The following KALRN variants were observed in gnomAD, a reference collection of about 807,000 sequenced individuals.
KALRN encodes kalirin.
KALRN carries 70 observed loss-of-function variants against 353.7 expected under a neutral mutation model. That is an observed-to-expected ratio of 0.20 (90% CI 0.16 to 0.24). The LOEUF is 0.24. KALRN is among the 10% of genes least tolerant of loss of function. The probability of loss-of-function intolerance (pLI) is 1.00; values close to 1 mark genes in which losing one functional copy is unlikely to be tolerated. For synonymous variants in KALRN, 1,391 were observed against 1,434.8 expected, an observed-to-expected ratio of 0.97 and a Z score of 0.69; for missense variants, 2,791 against 3,756.7, an observed-to-expected ratio of 0.74 and a Z score of 6.72.
At chr3:124,106,925 A>C (rs1336021218) in intron 1 of KALRN, among the ~76,000 whole-genome samples, 2 of 152,198 alleles carry the variant, frequency 1.3e-5, no homozygotes. Context: ...GGCTCCAGGC[A>C]AAATTTCTAA....
At chr3:124,305,460 G>C (rs1560513761) in intron 6 of KALRN, among the ~76,000 whole-genome samples, 2 of 152,140 alleles carry the variant, frequency 1.3e-5, no homozygotes, top group Non-Finnish European at 2.9e-5. Context: ...TTATGCCCCA[G>C]TACATTGTTG....
At chr3:124,564,067 T>C (rs1349135534) in intron 34 of KALRN, among the ~76,000 whole-genome samples, 17 of 140,670 alleles carry the variant, frequency 1.2e-4, no homozygotes, top group Admixed American at 8.7e-4. Flanking sequence ...TAGCCGGGCA[T>C]GGTGGCGCAC....
chr3:124,640,307 G>C (rs1220201330), intron 37 of KALRN, among the ~76,000 whole-genome samples: 2 of 123,046 alleles, frequency 1.6e-5, no homozygotes, highest in African/African-American at 6.2e-5. Context: ...TTTTTTTTGA[G>C]ACAGAGTCTC....
chr3:124,272,930 G>A (rs1236068380), intron 5 of KALRN, among the ~76,000 whole-genome samples: 1 of 152,226 alleles, frequency 6.6e-6, no homozygotes, highest in African/African-American at 2.4e-5. Flanking sequence ...TGAGGAAGTA[G>A]TTACTGCCTG....
intron 1 of KALRN, among the ~76,000 whole-genome samples, chr3:124,079,507 C>A (rs745374541): frequency 6.6e-6 from 1 of 152,096 alleles, no homozygotes; most frequent in African/African-American, 2.4e-5. Flanking sequence ...ACATTTAGGA[C>A]CCAGAGCCCA....
intron 1 of KALRN, among the ~76,000 whole-genome samples, chr3:124,173,796 A>G (rs970531253): frequency 6.6e-6 from 1 of 151,876 alleles, no homozygotes; most frequent in African/African-American, 2.4e-5. Context: ...TTGTATTTTT[A>G]GTAGAGATGG....
intron 1 of KALRN, among the ~76,000 whole-genome samples, chr3:124,105,472 T>C (rs551150509): frequency 2.0e-5 from 3 of 152,236 alleles, no homozygotes; most frequent in African/African-American, 7.2e-5. Flanking sequence ...GTGAGAGTAG[T>C]GTAGACTGTT....
intron 3 of KALRN, among the ~76,000 whole-genome samples, chr3:124,246,638 A>G (rs957768159): frequency 5.3e-5 from 8 of 152,168 alleles, no homozygotes; most frequent in Admixed American, 2.6e-4. Flanking sequence ...GCAATGTTGA[A>G]TGAGCCTGGA....
At chr3:124,070,635 G>A (rs146887757) in intron 1 of KALRN, among the ~76,000 whole-genome samples, 44 of 152,322 alleles carry the variant, frequency 2.9e-4, no homozygotes, top group African/African-American at 9.6e-4. Context: ...TAGACAGACC[G>A]TTAAGCTCCT....
At chr3:124,227,670 T>TG (rs2148489656) in intron 1 of KALRN, among the ~76,000 whole-genome samples, 1 of 20,174 alleles carries the variant, frequency 5.0e-5, no homozygotes, top group Non-Finnish European at 1.1e-4. Flanking sequence ...GCTGTTTTTT[T>TG]TTTTTTTTTT....
At chr3:124,264,813 G>T in intron 4 of KALRN, 123 bp downstream of exon 4, 1 of 870,462 alleles carries the variant, frequency 1.1e-6, no homozygotes, top group Non-Finnish European at 1.8e-6. Context: ...GAGATTTCAG[G>T]ATTCCTTGGC....
chr3:124,083,176 T>C (rs532237143), intron 1 of KALRN, among the ~76,000 whole-genome samples: 3 of 152,372 alleles, frequency 2.0e-5, no homozygotes, highest in East Asian at 3.9e-4. Flanking sequence ...AAAGCTGCCC[T>C]TCATCTATTC....
chr3:124,151,885 C>T (rs1303960393), intron 1 of KALRN: 7 of 555,292 alleles, frequency 1.3e-5, no homozygotes, highest in Non-Finnish European at 1.9e-5. Context: ...GTTATTATTA[C>T]TATTTTGTAT....
intron 34 of KALRN, among the ~76,000 whole-genome samples, chr3:124,629,300 GT>G (rs1415197546): frequency 2.6e-5 from 4 of 152,102 alleles, no homozygotes; most frequent in Non-Finnish European, 1.5e-5. Context: ...CCCTAGTGTG[GT>G]TTTCTGGGCT....
Position 124,384,744 on chromosome 3 carries a change from T to C in KALRN, c.1771-101T>C. ...AGTGCCAGATCAGGGAGCTGTCAGC[T>C]CAGCGCCCACGCCCCTCCGCTTCAG... On this transcript the variant is annotated intron_variant, in intron 10 of 59. Transcript: ENST00000682506. 2 of 1,167,280 alleles carry C rather than the reference T, an allele frequency of 1.7e-6. 1 individual carries two copies. Among genetic ancestry groups the C allele is most frequent in the South Asian group, 3.3e-5 (2 of 61,448 alleles). 72.3% of individuals were successfully genotyped at this position (1,167,280 alleles called of 1,614,324 possible).
At chr3:124,270,824 G>GTTTTTTTTT (rs777615656) in intron 5 of KALRN, among the ~76,000 whole-genome samples, 19 of 78,648 alleles carry the variant, frequency 2.4e-4, no homozygotes, top group African/African-American at 4.6e-4. Flanking sequence ...TTTTTGTTTT[G>GTTTTTTTTT]TTTTTTTTTT....
chr3:124,340,685 T>G (rs1220136558), intron 9 of KALRN, among the ~76,000 whole-genome samples: 4 of 152,168 alleles, frequency 2.6e-5, no homozygotes, highest in African/African-American at 9.7e-5. Context: ...CTGGGCGTGG[T>G]GGCTCACACC....
At chr3:124,599,592 G>A (rs1275539612) in intron 34 of KALRN, among the ~76,000 whole-genome samples, 1 of 152,192 alleles carries the variant, frequency 6.6e-6, no homozygotes, top group African/African-American at 2.4e-5. Context: ...AGCTGAGTCT[G>A]CATGACCCTC....
intron 25 of KALRN, among the ~76,000 whole-genome samples, chr3:124,471,146 A>G (rs942301237): frequency 2.0e-5 from 3 of 152,078 alleles, no homozygotes; most frequent in African/African-American, 7.2e-5. Context: ...ATTGAGAAGC[A>G]CTGATCATGA....
Sources: gnomAD v4.1 joint callset for allele counts (sites outside exome capture counted in the v4.1 genomes callset) on GRCh38, gnomAD v4.1.1 for gene constraint, MANE v1.5 for transcripts, NCBI Gene and HGNC (gene_info 2026-07-23, HGNC 2026-07-21) for gene names.